The following MAP2K3 variants were observed in gnomAD, a reference collection of about 807,000 sequenced individuals.
The protein encoded by MAP2K3 is dual specificity mitogen-activated protein kinase kinase 3.
Under a neutral mutation model 46.4 loss-of-function variants are expected in MAP2K3, and 30 were observed. That is an observed-to-expected ratio of 0.65 (90% CI 0.48 to 0.88). The LOEUF (loss-of-function observed/expected upper bound fraction) is 0.88. Among genes scored for constraint, MAP2K3 ranks in the 40% least tolerant of loss-of-function variants. MAP2K3 has a pLI of 0.00. For synonymous variants in MAP2K3, 189 were observed against 176.3 expected (o/e 1.07, Z -0.57); for missense variants, 380 against 464.5 (o/e 0.82, Z 1.67).
At chr17:21,294,563 A>T (rs1597806278) in intron 1 of MAP2K3, among the ~76,000 whole-genome samples, 1 of 152,308 alleles carries the variant, frequency 6.6e-6, no homozygotes, top group Non-Finnish European at 1.5e-5. Context: ...AGCCAGACAG[A>T]CCTGCCTTTA....
intron 5 of MAP2K3, 112 bp from the exon 6 acceptor site, chr17:21,302,031 G>A (rs1204450760): frequency 3.7e-5 from 38 of 1,029,066 alleles, no homozygotes; most frequent in Non-Finnish European, 1.7e-5. Context: ...TGAGTGGGTG[G>A]GCACACGTCG....
intron 2 of MAP2K3, among the ~76,000 whole-genome samples, 196 bp from the exon 3 acceptor site, chr17:21,298,682 T>C (rs1976408644): frequency 1.3e-5 from 2 of 152,312 alleles, no homozygotes; most frequent in South Asian, 4.1e-4. Flanking sequence ...TCTCACCCTG[T>C]CTTGGAGGCT....
intron 9 of MAP2K3, among the ~76,000 whole-genome samples, chr17:21,306,386 AG>A (rs1334739416): frequency 3.3e-5 from 5 of 152,286 alleles, no homozygotes; most frequent in African/African-American, 1.2e-4. Flanking sequence ...CTCACGGGGG[AG>A]GGGTGTGAGT....
In MAP2K3 at chr17:21,303,218, G is replaced by C; in HGVS notation, c.552G>C (p.Leu184=). ...CCCTGGAGCATCTGCACAGCAAGCT[G>C]TCGGTGATCCACAGAGGTCAGTGCC... ...VRALEHLHSK[L]SVIHRDVKPS... is the part of the protein sequence containing the mutation. Residue 184 remains leucine, a synonymous_variant, in exon 7 of 12, where the codon CTG becomes CTC. Transcript: ENST00000342679. The C allele has an allele frequency of 1.2e-6, 2 of 1,614,182 alleles. No homozygotes were observed. Among genetic ancestry groups the C allele is most frequent in the Non-Finnish European group, 1.7e-6 (2 of 1,180,052 alleles).
chr17:21,307,431 C>G (rs1253982575), intron 9 of MAP2K3, among the ~76,000 whole-genome samples: 1 of 152,232 alleles, frequency 6.6e-6, no homozygotes, highest in Admixed American at 6.5e-5. Context: ...GATGCGGAGG[C>G]CTCTGCAAGG....
intron 1 of MAP2K3, 132 bp from the exon 2 acceptor site, chr17:21,298,281 G>T: frequency 7.5e-7 from 1 of 1,332,702 alleles, no homozygotes; most frequent in South Asian, 1.2e-5. Context: ...CTGGCTTGGA[G>T]AGAGGGGGCT....
At chr17:21,304,292 A>T in intron 7 of MAP2K3, 134 bp from the exon 8 acceptor site, 1 of 1,520,240 alleles carries the variant, frequency 6.6e-7, no homozygotes. Flanking sequence ...CCCTGGTGCA[A>T]CCTGCCCACT....
At chr17:21,301,403 G>A (rs952687107) in intron 5 of MAP2K3, among the ~76,000 whole-genome samples, 4 of 152,430 alleles carry the variant, frequency 2.6e-5, no homozygotes, top group Admixed American at 2.0e-4. Context: ...AGGATGGGGT[G>A]TGTGCTGAGA....
intron 1 of MAP2K3, among the ~76,000 whole-genome samples, chr17:21,296,593 C>A (rs1976265467): frequency 6.6e-6 from 1 of 152,312 alleles, no homozygotes; most frequent in African/African-American, 2.4e-5. Flanking sequence ...CTGGCCAGAC[C>A]CCTGACTTGC....
intron 8 of MAP2K3, among the ~76,000 whole-genome samples, 155 bp downstream of exon 8, chr17:21,304,708 CA>C (rs893314939): frequency 2.6e-5 from 4 of 152,304 alleles, no homozygotes; most frequent in Non-Finnish European, 5.9e-5. Flanking sequence ...TCTTGCTGCC[CA>C]GGGGCAGCCC....
Position 21,305,074 on chromosome 17 carries a change from G to C in MAP2K3, c.720G>C (p.Leu240=). 6.2e-7 allele frequency: 1 copy of C among 1,614,314 alleles called. No individual in the cohort carries two copies. Among genetic ancestry groups the C allele is most frequent in the Non-Finnish European group, 8.5e-7 (1 of 1,180,058 alleles). The part of the protein sequence containing the change: ...YMAPERINPE[L]NQKGYNVKSD... The stretch of plus-strand genomic sequence containing the variant: ...AGCCTGAGAGGATCAACCCAGAGCT[G>C]AACCAGAAGGGCTACAATGTCAAGT... Residue 240 remains leucine, a synonymous_variant, in exon 9 of 12, where the codon CTG becomes CTC. Coordinates refer to ENST00000342679, the MANE Select transcript of MAP2K3 (RefSeq NM_145109.3).
rs185921294 is a variant in MAP2K3, at chr17:21,313,550, G to A, written c.960+13G>A. 9,118 of 1,609,084 alleles carry A rather than the reference G, an allele frequency of 5.7e-3. 27 individuals carry two copies. The highest frequency in any genetic ancestry group is 7.4e-3 in the Middle Eastern group (45 of 6,056). ...CCTGGAGCTGATGGTGAGTATGGGCGGGAGGTGCCTGCCCTGCTCTTCAGG... is the reference window on the plus strand; with the variant it reads ...CCTGGAGCTGATGGTGAGTATGGGCAGGAGGTGCCTGCCCTGCTCTTCAGG... On this transcript the variant is annotated intron_variant, in intron 11 of 11. Coordinates refer to ENST00000342679, the MANE Select transcript of MAP2K3 (RefSeq NM_145109.3).
chr17:21,285,768 C>T (rs1975706384), intron 1 of MAP2K3, among the ~76,000 whole-genome samples: 1 of 152,178 alleles, frequency 6.6e-6, no homozygotes, highest in South Asian at 2.1e-4. Flanking sequence ...AGCCGCCAGG[C>T]CAGGGTGCTG....
chr17:21,296,116 A>T, intron 1 of MAP2K3: 3 of 1,289,438 alleles, frequency 2.3e-6, no homozygotes, highest in Non-Finnish European at 3.0e-6. Context: ...GTGACCATTT[A>T]TGGGCCACAA....
intron 1 of MAP2K3, among the ~76,000 whole-genome samples, chr17:21,294,051 A>G (rs1323931664): frequency 3.3e-5 from 5 of 152,308 alleles, no homozygotes; most frequent in African/African-American, 9.6e-5. Context: ...GCAGCCAAAC[A>G]CATCCATCCA....
intron 3 of MAP2K3, 60 bp downstream of exon 3, chr17:21,298,986 T>C: frequency 6.2e-7 from 1 of 1,612,146 alleles, no homozygotes; most frequent in Non-Finnish European, 8.5e-7. Context: ...CGGGTAGAGC[T>C]GACCCTGCAG....
chr17:21,295,657 G>C (rs1976198339), intron 1 of MAP2K3: 2 of 1,289,346 alleles, frequency 1.6e-6, no homozygotes, highest in Non-Finnish European at 1.0e-6. Flanking sequence ...CCTGATGCAG[G>C]CTTGGTGTCC....
chr17:21,290,229 C>T (rs1975849246), intron 1 of MAP2K3, among the ~76,000 whole-genome samples: 1 of 152,178 alleles, frequency 6.6e-6, no homozygotes, highest in Non-Finnish European at 1.5e-5. Flanking sequence ...GGGAGCACTG[C>T]TGCCTGGGAG....
intron 1 of MAP2K3, 29 bp from the exon 2 acceptor site, chr17:21,298,384 C>T (rs776282200): frequency 6.2e-7 from 1 of 1,614,218 alleles, no homozygotes; most frequent in South Asian, 1.1e-5. Flanking sequence ...AAGGGATAGG[C>T]CAGACGCCTC....
Sources: gnomAD v4.1 joint callset for allele counts (sites outside exome capture counted in the v4.1 genomes callset) on GRCh38, gnomAD v4.1.1 for gene constraint, MANE v1.5 for transcripts, NCBI Gene and HGNC (gene_info 2026-07-23, HGNC 2026-07-21) for gene names.